Variants in KRTAP10-4 observed in about 807,000 individuals in gnomAD.
KRTAP10-4 encodes keratin associated protein 10-4, also known as keratin-associated protein 10-4.
For synonymous variants in KRTAP10-4, 147 were observed against 213.7 expected (o/e 0.69, Z 2.72); for missense variants, 374 against 507.6 (o/e 0.74, Z 2.53).
In KRTAP10-4 at chr21:44,574,310, C is replaced by T. The variant is rs383474; in HGVS notation, c.552C>T (p.Ser184=). The stretch of plus-strand genomic sequence containing the variant: ...CTAGCTGTGTGAGCTGTGTGTCCAG[C>T]CCCTGCTGCCAGGCGGTCTGTGAGC... ...QQSSCVSCVS[S]PCCQAVCEPS... is the part of the protein sequence containing the mutation. The change falls in exon 1 of 1, where the codon AGC becomes AGT. Residue 184 remains serine, a synonymous_variant. Coordinates refer to ENST00000400374, the MANE Select transcript of KRTAP10-4 (RefSeq NM_198687.2). 233 of 1,610,720 alleles carry T rather than the reference C, an allele frequency of 1.4e-4. No homozygotes were observed. Among genetic ancestry groups the T allele is most frequent in the Middle Eastern group, 8.4e-4 (5 of 5,974 alleles).
Position 44,573,840 on chromosome 21 carries a change from C to A in KRTAP10-4, c.82C>A (p.Gln28Lys). The change falls in exon 1 of 1, where the codon CAG becomes AAG. Residue 28 changes from glutamine to lysine, a missense_variant. Coordinates refer to ENST00000400374, the MANE Select transcript of KRTAP10-4 (RefSeq NM_198687.2). Reference protein sequence around the residue: ...GSCDSCSDSWQVDDCPESCCE... With the variant: ...GSCDSCSDSWKVDDCPESCCE... ...CTGTGACTCTTGCTCCGACTCCTGG[C>A]AGGTGGACGACTGCCCAGAGAGCTG... 1.2e-6 allele frequency: 2 copies of A among 1,614,186 alleles called. No individual in the cohort carries two copies. Among genetic ancestry groups the A allele is most frequent in the African/African-American group, 1.3e-5 (1 of 75,016 alleles).
rs1376359531 is a variant in KRTAP10-4 at position 44,574,875 on chromosome 21, T to C, written c.1117T>C (p.Cys373Arg). 15 of 1,612,744 alleles carry C rather than the reference T, an allele frequency of 9.3e-6. No homozygotes were observed. Among genetic ancestry groups the C allele is most frequent in the Non-Finnish European group, 1.3e-5 (15 of 1,179,914 alleles). Residue 373 changes from cysteine to arginine, a missense_variant, in exon 1 of 1, where the codon TGC (cysteine) becomes CGC (arginine). Cys to Arg is a radical substitution (Grantham distance 180). Transcript: ENST00000400374. ...CTGCCGCCCCGTGTGCAGGCCCGCC[T>C]GCTGCGTGCCCGTCCCTTCCTGCTG... ...LLCRPVCRPA[C>R]CVPVPSCCAP...
Position 44,574,172 on chromosome 21 carries a change from G to C in KRTAP10-4, c.414G>C (p.Gln138His). ...GTGGGGATTCTTCATGCTGCCAGCA[G>C]TCTAGCTGCCAGTCAGCTTGCTGCA... ...VCCGDSSCCQ[Q>H]SSCQSACCTS... is the part of the protein sequence containing the mutation. Residue 138 changes from glutamine (Q) to histidine (H), a missense_variant, in exon 1 of 1, where the codon CAG becomes CAC. Physicochemically the swap from Gln to His is conservative, Grantham distance 24. Transcript: ENST00000400374. The C allele has an allele frequency of 6.2e-7, 1 of 1,601,962 alleles. No individual in the cohort carries two copies. The highest frequency in any genetic ancestry group is 8.5e-7 in the Non-Finnish European group (1 of 1,172,254).
In KRTAP10-4 at chr21:44,574,719, G is replaced by A. The variant is rs201319223; in HGVS notation, c.961G>A (p.Val321Ile). 743 of 1,609,004 alleles carry A rather than the reference G, an allele frequency of 4.6e-4. 3 individuals carry two copies. In the African/African-American group the frequency reaches 8.3e-3, roughly 18 times the overall value. ...SQSQQGCCVP[V>I]CCKPVSCVPV... ...AAGCCAGCAGGGCTGCTGCGTGCCC[G>A]TCTGCTGCAAGCCTGTGAGCTGTGT... The change falls in exon 1 of 1, where the codon GTC (valine) becomes ATC (isoleucine). Residue 321 changes from valine to isoleucine, a missense_variant. Val to Ile is a conservative substitution (Grantham distance 29). Coordinates refer to ENST00000400374, the MANE Select transcript of KRTAP10-4 (RefSeq NM_198687.2).
Position 44,574,912 on chromosome 21 carries a change from C to T in KRTAP10-4, c.1154C>T (p.Ser385Phe), listed in dbSNP as rs1261334034. The change falls in exon 1 of 1, where the codon TCC becomes TTC. Residue 385 changes from serine (S) to phenylalanine (F), a missense_variant. Transcript: ENST00000400374. ...GTCCCTTCCTGCTGTGCTCCCACCT[C>T]CTCCTGCCAACCCAGCTGCTGCCGC... ...VPVPSCCAPT[S>F]SCQPSCCRPA... 1 of 1,612,836 alleles carries T rather than the reference C, an allele frequency of 6.2e-7. No individual in the cohort carries two copies. The highest frequency in any genetic ancestry group is 2.2e-5 in the East Asian group (1 of 44,864).
In KRTAP10-4 at chr21:44,575,108, G is replaced by C. The variant is rs1978345596; in HGVS notation, c.*144G>C. The C allele has an allele frequency of 8.3e-7, 1 of 1,208,528 alleles. No individual in the cohort carries two copies. Among genetic ancestry groups the C allele is most frequent in the Admixed American group, 2.6e-5 (1 of 38,736 alleles). 74.9% of individuals were successfully genotyped at this position (1,208,528 alleles called of 1,614,324 possible). On this transcript the variant is annotated 3_prime_UTR_variant, in exon 1 of 1. Coordinates refer to ENST00000400374, the MANE Select transcript of KRTAP10-4 (RefSeq NM_198687.2). ...GCGTCCTGAATTGCTCCTGCACTTT[G>C]ACCATTTCCTGGTGTCTGCTGTTGA... is the stretch of plus-strand genomic sequence containing the variant.
In KRTAP10-4 at chr21:44,574,758, G is replaced by A. The variant is rs782374072; in HGVS notation, c.1000G>A (p.Gly334Arg). The A allele has an allele frequency of 2.5e-6, 4 of 1,613,642 alleles. No homozygotes were observed. The highest frequency in any genetic ancestry group is 3.4e-6 in the Non-Finnish European group (4 of 1,179,978). Residue 334 changes from glycine (G) to arginine (R), a missense_variant, in exon 1 of 1, where the codon GGG becomes AGG. Coordinates refer to ENST00000400374, the MANE Select transcript of KRTAP10-4 (RefSeq NM_198687.2). ...TGTGAGCTGTGTGCCTGTTTGCTCT[G>A]GGGCTTCCTCTTCATGCTGCCAGCA... is the stretch of plus-strand genomic sequence containing the variant. ...KPVSCVPVCSGASSSCCQQSS... is the reference protein window; with the variant it reads ...KPVSCVPVCSRASSSCCQQSS...
the KRTAP10-4 span, chr21:44,574,541 C>A: frequency 6.2e-7 from 1 of 1,609,356 alleles, no homozygotes; most frequent in Non-Finnish European, 8.5e-7. Flanking sequence ...CGGCTTGCTG[C>A]ACCTCCTCTC....
At position 44,573,767 on chromosome 21, in the gene KRTAP10-4, C is replaced by G; in HGVS notation, c.9C>G (p.Val3=). The G allele has an allele frequency of 3.1e-6, 5 of 1,613,822 alleles. No individual in the cohort carries two copies. Among genetic ancestry groups the G allele is most frequent in the Non-Finnish European group, 3.4e-6 (4 of 1,179,830 alleles). MS[V]CSSDLSYSSR... ...GCACAGCAGCATCCACCATGTCCGT[C>G]TGCTCCAGCGACCTGAGCTACAGCA... Residue 3 remains valine (V), a synonymous_variant, in exon 1 of 1, where the codon GTC becomes GTG. Coordinates refer to ENST00000400374, the MANE Select transcript of KRTAP10-4 (RefSeq NM_198687.2).
Position 44,575,067 on chromosome 21 carries a change from C to T in KRTAP10-4, c.*103C>T. ...AGTGCCAGCCAGGCTCAGGTCCCACCTGAAAGCTGATAGTCGCGTCCTGAA... is the reference window on the plus strand; with the variant it reads ...AGTGCCAGCCAGGCTCAGGTCCCACTTGAAAGCTGATAGTCGCGTCCTGAA... On this transcript the variant is annotated 3_prime_UTR_variant, in exon 1 of 1. Transcript: ENST00000400374. 1 of 1,519,060 alleles carries T rather than the reference C, an allele frequency of 6.6e-7. No homozygotes were observed. The highest frequency in any genetic ancestry group is 1.3e-5 in the South Asian group (1 of 79,824). 94.1% of individuals were successfully genotyped at this position (1,519,060 alleles called of 1,614,324 possible). A position where few individuals can be genotyped will look rare whatever the true frequency, so the allele number is the denominator to read the frequency against.
chr21:44,574,617 G>A lies in KRTAP10-4; in HGVS notation c.859G>A (p.Val287Met). Residue 287 changes from valine (V) to methionine (M), a missense_variant, in exon 1 of 1, where the codon GTG becomes ATG. Coordinates refer to ENST00000400374, the MANE Select transcript of KRTAP10-4 (RefSeq NM_198687.2). ...KPVCCKPVCS[V>M]PICSGASSLC... ...TGTGTGCTGCAAGCCTGTCTGCTCT[G>A]TGCCCATCTGCTCTGGGGCTTCCTC... The A allele has an allele frequency of 7.7e-7, 1 of 1,292,196 alleles. No individual in the cohort carries two copies. Among genetic ancestry groups the A allele is most frequent in the Non-Finnish European group, 1.0e-6 (1 of 972,500 alleles). The allele number at this position is 1,292,196 out of a possible 1,614,324, so 80.0% of individuals were successfully genotyped here.
In KRTAP10-4 at chr21:44,573,948, T is replaced by C; in HGVS notation, c.190T>C (p.Ser64Pro). Residue 64 changes from serine to proline, a missense_variant, in exon 1 of 1, where the codon TCC becomes CCC. By Grantham distance (74) the Ser-to-Pro change is moderately conservative. Coordinates refer to ENST00000400374, the MANE Select transcript of KRTAP10-4 (RefSeq NM_198687.2). ...SLVCTPVSRVSSPCCPVTCEP... is the reference protein window; with the variant it reads ...SLVCTPVSRVPSPCCPVTCEP... Reference sequence around the variant, plus strand: ...GGTCTGCACCCCAGTGAGCCGTGTGTCCAGCCCCTGCTGCCCAGTGACCTG... The same window carrying C: ...GGTCTGCACCCCAGTGAGCCGTGTGCCCAGCCCCTGCTGCCCAGTGACCTG... 2 of 1,612,222 alleles carry C rather than the reference T, an allele frequency of 1.2e-6. No individual in the cohort carries two copies. Among genetic ancestry groups the C allele is most frequent in the Non-Finnish European group, 1.7e-6 (2 of 1,179,408 alleles).
chr21:44,574,521 A>G lies in KRTAP10-4; in HGVS notation c.763A>G (p.Ser255Gly), dbSNP rs1380811736. 6.2e-7 allele frequency: 1 copy of G among 1,607,752 alleles called. No individual in the cohort carries two copies. Among genetic ancestry groups the G allele is most frequent in the Non-Finnish European group, 8.5e-7 (1 of 1,179,066 alleles). Residue 255 changes from serine (S) to glycine (G), a missense_variant, in exon 1 of 1, where the codon AGC becomes GGC. Ser to Gly is a moderately conservative substitution (Grantham distance 56, BLOSUM62 0). Transcript: ENST00000400374. ...TTCCTCTTCATGCTGCCAGCAGTCT[A>G]GCTGCCAGCCGGCTTGCTGCACCTC... ...EDSSSCCQQSSCQPACCTSSP... is the reference protein window; with the variant it reads ...EDSSSCCQQSGCQPACCTSSP...
At position 44,573,869 on chromosome 21, in the gene KRTAP10-4, C is replaced by T. The variant is rs200779717; in HGVS notation, c.111C>T (p.Cys37=). The stretch of plus-strand genomic sequence containing the variant: ...TGGACGACTGCCCAGAGAGCTGCTG[C>T]GAGCCCCCCTGCTGCGCCCCCAGCT... ...WQVDDCPESC[C]EPPCCAPSCC... is the part of the protein sequence containing the mutation. The change falls in exon 1 of 1, where the codon TGC becomes TGT. Residue 37 remains cysteine, a synonymous_variant. Transcript: ENST00000400374. 0.13 allele frequency: 193,447 copies of T among 1,536,096 alleles called. 74 individuals carry two copies. Among genetic ancestry groups the T allele is most frequent in the South Asian group, 0.2 (17,145 of 84,248 alleles).
Position 44,574,515 on chromosome 21 carries a change from C to G in KRTAP10-4, c.757C>G (p.Gln253Glu), listed in dbSNP as rs202055389. Residue 253 changes from glutamine to glutamate, a missense_variant, in exon 1 of 1, where the codon CAG becomes GAG. Physicochemically the swap from Gln to Glu is conservative, Grantham distance 29 (BLOSUM62 2). Coordinates refer to ENST00000400374, the MANE Select transcript of KRTAP10-4 (RefSeq NM_198687.2). ...TGAGGATTCCTCTTCATGCTGCCAG[C>G]AGTCTAGCTGCCAGCCGGCTTGCTG... Reference protein sequence around the residue: ...CSEDSSSCCQQSSCQPACCTS... With the variant: ...CSEDSSSCCQESSCQPACCTS... 25 of 1,609,398 alleles carry G rather than the reference C, an allele frequency of 1.6e-5. No homozygotes were observed. The highest frequency in any genetic ancestry group is 2.2e-5 in the East Asian group (1 of 44,742).
chr21:44,574,800 GC>G, the KRTAP10-4 span: 1 of 1,614,144 alleles, frequency 6.2e-7, no homozygotes, highest in Non-Finnish European at 8.5e-7. Flanking sequence ...CTGCCAGCCA[GC>G]TTGCTGCACC....
chr21:44,574,454 C>G lies in KRTAP10-4; in HGVS notation c.696C>G (p.Val232=), dbSNP rs1978313316. The G allele has an allele frequency of 1.2e-6, 2 of 1,602,242 alleles. No homozygotes were observed. The highest frequency in any genetic ancestry group is 1.7e-6 in the Non-Finnish European group (2 of 1,174,484). ...GCCAGCAGGCCTGCTGCGTGCCCGTCTGCTGCAAGACTGTCTGCTGCAAGC... is the reference window on the plus strand; with the variant it reads ...GCCAGCAGGCCTGCTGCGTGCCCGTGTGCTGCAAGACTGTCTGCTGCAAGC... ...SSCQQACCVP[V]CCKTVCCKPV... Residue 232 remains valine (V), a synonymous_variant, in exon 1 of 1, where the codon GTC becomes GTG. Transcript: ENST00000400374.
At position 44,574,007 on chromosome 21, in the gene KRTAP10-4, C is replaced by T; in HGVS notation, c.249C>T (p.Ser83=). Residue 83 remains serine (S), a synonymous_variant, in exon 1 of 1, where the codon AGC becomes AGT. Transcript: ENST00000400374. The part of the protein sequence containing the change: ...EPSPCQSGCT[S]SCTPSCCQQS... ...GCCCCTGCCAATCAGGCTGCACCAGCTCCTGCACGCCCTCGTGCTGCCAGC... is the reference window on the plus strand; with the variant it reads ...GCCCCTGCCAATCAGGCTGCACCAGTTCCTGCACGCCCTCGTGCTGCCAGC... 1.2e-6 allele frequency: 2 copies of T among 1,613,156 alleles called. No homozygotes were observed. The highest frequency in any genetic ancestry group is 1.7e-6 in the Non-Finnish European group (2 of 1,179,882).
In KRTAP10-4 at chr21:44,574,552, C is replaced by T. The variant is rs782113210; in HGVS notation, c.794C>T (p.Pro265Leu). Residue 265 changes from proline (P) to leucine (L), a missense_variant, in exon 1 of 1, where the codon CCC (proline) becomes CTC (leucine). Coordinates refer to ENST00000400374, the MANE Select transcript of KRTAP10-4 (RefSeq NM_198687.2). ...CAGCCGGCTTGCTGCACCTCCTCTC[C>T]CTGCCAGCAGGCTTGCTGTGTGCCT... ...SCQPACCTSSPCQQACCVPVC... is the reference protein window; with the variant it reads ...SCQPACCTSSLCQQACCVPVC... 2 of 1,607,044 alleles carry T rather than the reference C, an allele frequency of 1.2e-6. No individual in the cohort carries two copies. Among genetic ancestry groups the T allele is most frequent in the Non-Finnish European group, 8.5e-7 (1 of 1,178,708 alleles).
Sources: allele counts gnomAD v4.1 joint callset, GRCh38; gene constraint gnomAD v4.1.1; transcripts MANE v1.5; gene names NCBI Gene and HGNC (gene_info 2026-07-23, HGNC 2026-07-21).